The following A4GALT variants were observed in gnomAD, a reference collection of about 807,000 sequenced individuals.
The protein encoded by A4GALT is lactosylceramide 4-alpha-galactosyltransferase.
For synonymous variants in A4GALT, 257 were observed against 220.7 expected, an observed-to-expected ratio of 1.16 and a Z score of -1.46; for missense variants, 512 against 486.0, an observed-to-expected ratio of 1.05 and a Z score of -0.50.
chr22:42,693,307 G>A lies in A4GALT; in HGVS notation c.645C>T (p.Val215=). The A allele has an allele frequency of 6.2e-7, 1 of 1,613,136 alleles. No homozygotes were observed. The highest frequency in any genetic ancestry group is 8.5e-7 in the Non-Finnish European group (1 of 1,180,000). The change falls in exon 3 of 3, where the codon GTC becomes GTT. Residue 215 remains valine (V), a synonymous_variant. Coordinates refer to ENST00000642412, the MANE Select transcript of A4GALT (RefSeq NM_017436.7). ...TNVLGTQSRY[V]LNGAFLAFER... ...CGAAGGCCAGGAACGCGCCGTTGAGGACGTAGCGGGACTGGGTGCCCAGCA... is the reference window on the plus strand; with the variant it reads ...CGAAGGCCAGGAACGCGCCGTTGAGAACGTAGCGGGACTGGGTGCCCAGCA...
intron 1 of A4GALT, among the ~76,000 whole-genome samples, chr22:42,696,350 G>A (rs1407199210): frequency 6.6e-6 from 1 of 151,714 alleles, no homozygotes; most frequent in East Asian, 1.9e-4. Context: ...AATCCAGGAG[G>A]CGGAGGTTGC....
At chr22:42,706,754 C>T (rs1384272001) in intron 1 of A4GALT, among the ~76,000 whole-genome samples, 1 of 150,830 alleles carries the variant, frequency 6.6e-6, no homozygotes, top group Non-Finnish European at 1.5e-5. Flanking sequence ...AAGATTACGC[C>T]ACTGCACTCC....
In A4GALT at chr22:42,693,282, C is replaced by A. The variant is rs150748224; in HGVS notation, c.670G>T (p.Glu224Ter). Residue 224 changes from glutamate (E) to a stop codon, truncating the protein, a stop_gained, in exon 3 of 3, where the codon GAG becomes TAG. Transcript: ENST00000642412. LOFTEE classifies it low-confidence loss of function (END_TRUNC). The stretch of plus-strand genomic sequence containing the variant: ...AGCGCCATGAACTCGTGCCGGCGCT[C>A]GAAGGCCAGGAACGCGCCGTTGAGG... ...YVLNGAFLAF[E>*]RRHEFMALCM... The A allele has an allele frequency of 4.3e-6, 7 of 1,612,868 alleles. No individual in the cohort carries two copies. The African/African-American group carries it at 9.3e-5, about 22-fold the overall frequency.
intron 1 of A4GALT, among the ~76,000 whole-genome samples, chr22:42,719,954 A>T (rs918419375): frequency 6.6e-6 from 1 of 152,178 alleles, no homozygotes; most frequent in Non-Finnish European, 1.5e-5. Flanking sequence ...TCAGGGCCAG[A>T]GGCTCAGCCG....
intron 1 of A4GALT, among the ~76,000 whole-genome samples, chr22:42,710,759 C>A (rs11704086): frequency 0.34 from 52,278 of 151,768 alleles, 10,155 homozygotes; most frequent in South Asian, 0.45. Context: ...TTGTGGCTGA[C>A]GCCTATAATC....
chr22:42,692,378 G>C lies in A4GALT; in HGVS notation c.*512C>G. ...GCCTCTGCCCCACTCAGTCCCTGTT[G>C]ACCTCCCCCACCCCCCGCGAAAGAG... On this transcript the variant is annotated 3_prime_UTR_variant, in exon 3 of 3. Transcript: ENST00000642412. The surrounding 1 kb of genome is among the most constrained non-coding windows in gnomAD (Gnocchi z 4.6). The C allele has an allele frequency of 3.2e-6, 1 of 315,274 alleles. No individual in the cohort carries two copies. The highest frequency in any genetic ancestry group is 6.2e-6 in the Non-Finnish European group (1 of 160,346). The allele number at this position is 315,274 out of a possible 1,614,324, so 19.5% of individuals were successfully genotyped here. A position where few individuals can be genotyped will look rare whatever the true frequency, so the allele number is the denominator to read the frequency against.
intron 1 of A4GALT, among the ~76,000 whole-genome samples, chr22:42,715,667 T>C (rs899974304): frequency 4.0e-5 from 6 of 151,810 alleles, no homozygotes. Context: ...TGAGCCATGA[T>C]TGCACCAGTG....
chr22:42,697,190 A>G (rs896534882), intron 1 of A4GALT, among the ~76,000 whole-genome samples: 1 of 152,192 alleles, frequency 6.6e-6, no homozygotes, highest in Non-Finnish European at 1.5e-5. Context: ...GAATTAATGA[A>G]TGATCAGTAA....
chr22:42,700,703 G>A (rs1028269715), intron 1 of A4GALT, among the ~76,000 whole-genome samples: 3 of 152,180 alleles, frequency 2.0e-5, no homozygotes, highest in South Asian at 2.1e-4. Context: ...GCTCCTCCTC[G>A]GAGCCTCAGT....
Position 42,692,268 on chromosome 22 carries a change from C to T in A4GALT, c.*622G>A. The T allele has an allele frequency of 4.2e-6, 1 of 236,034 alleles. No individual in the cohort carries two copies. Among genetic ancestry groups the T allele is most frequent in the East Asian group, 1.0e-4 (1 of 9,554 alleles). The allele number at this position is 236,034 out of a possible 1,614,324, so 14.6% of individuals were successfully genotyped here. A position where few individuals can be genotyped will look rare whatever the true frequency, so the allele number is the denominator to read the frequency against. On this transcript the variant is annotated 3_prime_UTR_variant, in exon 3 of 3. Coordinates refer to ENST00000642412, the MANE Select transcript of A4GALT (RefSeq NM_017436.7). This position sits in a 1 kb window ranked among gnomAD's most constrained non-coding sequence, Gnocchi z 4.6. The stretch of plus-strand genomic sequence containing the variant: ...TGAGGGAAGGGGCAGAGCATACACG[C>T]CCCCCTGGCATCTCTGGAGAGGAAG...
At chr22:42,714,749 A>G (rs1189783176) in intron 1 of A4GALT, among the ~76,000 whole-genome samples, 2 of 152,010 alleles carry the variant, frequency 1.3e-5, no homozygotes, top group South Asian at 2.1e-4. Flanking sequence ...AGGCTGGAAA[A>G]AAGAAAGAAA....
At chr22:42,706,354 C>CAAAAAAAAAAAA (rs1164664187) in intron 1 of A4GALT, among the ~76,000 whole-genome samples, 2 of 83,820 alleles carry the variant, frequency 2.4e-5, no homozygotes, top group Non-Finnish European at 4.4e-5. Flanking sequence ...GACTCCATCC[C>CAAAAAAAAAAAA]AAAAAAAAAA....
At chr22:42,701,749 G>A (rs1274677779) in intron 1 of A4GALT, among the ~76,000 whole-genome samples, 15 of 152,140 alleles carry the variant, frequency 9.9e-5, no homozygotes, top group Admixed American at 9.8e-4. Flanking sequence ...GAGGCACACA[G>A]AACCTAGTCA....
chr22:42,700,647 G>A lies in A4GALT; in HGVS notation c.-187-5016C>T, dbSNP rs377098399. ...TAAGACACCAGCGCCAGGGTCACAC[G>A]GGTGCTCCCACTGTGTCACCAGCCA... On this transcript the variant is annotated intron_variant, in intron 1 of 2. Coordinates refer to ENST00000642412, the MANE Select transcript of A4GALT (RefSeq NM_017436.7). 1.4e-3 allele frequency among the ~76,000 whole-genome samples: 215 copies of A among 152,300 alleles called. 1 individual carries two copies. Among genetic ancestry groups the A allele is most frequent in the African/African-American group, 5.0e-3 (206 of 41,570 alleles).
chr22:42,718,196 A>G (rs531167145), intron 1 of A4GALT: 1 of 152,400 alleles, frequency 6.6e-6, no homozygotes, highest in South Asian at 2.1e-4. Context: ...TCGTGAAATT[A>G]TACTAATGGA....
chr22:42,706,790 A>C (rs1260713810), intron 1 of A4GALT, among the ~76,000 whole-genome samples: 3 of 118,342 alleles, frequency 2.5e-5, no homozygotes, highest in Non-Finnish European at 3.8e-5. Context: ...GTGAGACTCC[A>C]TCTCAAAAAA....
chr22:42,708,974 G>T (rs1230605296), intron 1 of A4GALT, among the ~76,000 whole-genome samples: 1 of 150,514 alleles, frequency 6.6e-6, no homozygotes, highest in Non-Finnish European at 1.5e-5. Context: ...ATTTTGGGAG[G>T]GAATCCTGGA....
At chr22:42,715,339 C>G (rs1922076988) in intron 1 of A4GALT, among the ~76,000 whole-genome samples, 1 of 152,062 alleles carries the variant, frequency 6.6e-6, no homozygotes, top group African/African-American at 2.4e-5. Flanking sequence ...ATAAACAACA[C>G]CATGGTAACC....
intron 1 of A4GALT, among the ~76,000 whole-genome samples, chr22:42,708,545 A>AGAAGGAAGGAAGGAAG (rs560108193): frequency 0.081 from 9,485 of 116,430 alleles, 651 homozygotes; most frequent in African/African-American, 0.09. Flanking sequence ...GAGGAAAGAG[A>AGAAGGAAGGAAGGAAG]GAAGGAAGGA....
Sources: gnomAD v4.1 joint callset for allele counts (sites outside exome capture counted in the v4.1 genomes callset) on GRCh38, gnomAD v4.1.1 for gene constraint, Gnocchi (gnomAD v3.1) non-coding constraint, MANE v1.5 for transcripts, NCBI Gene and HGNC (gene_info 2026-07-23, HGNC 2026-07-21) for gene names.